The following PRKCE variants were observed in gnomAD, a reference collection of about 807,000 sequenced individuals.
PRKCE encodes the protein protein kinase C epsilon type.
In PRKCE, 16 loss-of-function variants were observed where a neutral mutation model predicts 85.4. The observed-to-expected ratio is 0.19, with a 90% confidence interval of 0.13 to 0.28. PRKCE has a LOEUF of 0.28. Among genes scored for constraint, PRKCE ranks in the 10% least tolerant of loss-of-function variants. The probability of loss-of-function intolerance (pLI) is 1.00; values close to 1 mark genes in which losing one functional copy is unlikely to be tolerated. For missense variants in PRKCE, 573 were observed against 975.2 expected, an observed-to-expected ratio of 0.59 and a Z score of 5.49; for synonymous variants, 388 against 371.5, an observed-to-expected ratio of 1.04 and a Z score of -0.51.
intron 1 of PRKCE, among the ~76,000 whole-genome samples, chr2:45,694,238 G>A (rs768379874): frequency 6.6e-6 from 1 of 151,114 alleles, no homozygotes; most frequent in Non-Finnish European, 1.5e-5. Context: ...GTCTCATCTA[G>A]GAAACGACAG....
intron 2 of PRKCE, among the ~76,000 whole-genome samples, chr2:45,911,376 C>T (rs1697371498): frequency 6.6e-6 from 1 of 152,172 alleles, no homozygotes; most frequent in South Asian, 2.1e-4. Flanking sequence ...GAGTGTTTCA[C>T]CTGCTCAGAA....
At chr2:46,035,728 AGT>A (rs1490818798) in intron 10 of PRKCE, among the ~76,000 whole-genome samples, 1 of 152,268 alleles carries the variant, frequency 6.6e-6, no homozygotes, top group Non-Finnish European at 1.5e-5. Flanking sequence ...ATATATAGTA[AGT>A]GTATATACAT....
rs58840925 is a variant in PRKCE, at chr2:46,007,324, G to A, written c.1064-138G>A. On this transcript the variant is annotated intron_variant, in intron 8 of 14. Transcript: ENST00000306156. ...GTGAACAGATGAAGGAACATACAAA[G>A]GGATGTCACACTGGATCTGTTGTGA... 1.3e-3 allele frequency: 999 copies of A among 788,962 alleles called. 7 individuals carry two copies. The African/African-American group carries it at 0.015, about 12-fold the overall frequency. 48.9% of individuals were successfully genotyped at this position (788,962 alleles called of 1,614,324 possible). A position where few individuals can be genotyped will look rare whatever the true frequency, so the allele number is the denominator to read the frequency against.
intron 1 of PRKCE, among the ~76,000 whole-genome samples, chr2:45,829,897 C>A (rs1258989637): frequency 2.0e-5 from 3 of 151,578 alleles, no homozygotes; most frequent in Non-Finnish European, 4.4e-5. Flanking sequence ...CACGGTGAAA[C>A]CCCGTCTCTA....
At chr2:46,085,736 GT>G (rs1170933914) in intron 10 of PRKCE, among the ~76,000 whole-genome samples, 19,226 of 103,884 alleles carry the variant, frequency 0.19, 3,473 homozygotes, top group African/African-American at 0.43. Flanking sequence ...TGCAAAATCC[GT>G]TTTTTTTTTT....
chr2:45,694,527 T>A (rs916973588), intron 1 of PRKCE, among the ~76,000 whole-genome samples: 1 of 152,206 alleles, frequency 6.6e-6, no homozygotes, highest in African/African-American at 2.4e-5. Context: ...GGAACTTATG[T>A]GGGACTAACA....
intron 1 of PRKCE, among the ~76,000 whole-genome samples, chr2:45,667,606 A>G (rs1017852990): frequency 6.6e-6 from 1 of 152,184 alleles, no homozygotes; most frequent in African/African-American, 2.4e-5. Context: ...TGAACTTTAA[A>G]AAAGGAAAAG....
intron 4 of PRKCE, among the ~76,000 whole-genome samples, chr2:45,979,335 A>G (rs928619349): frequency 6.6e-6 from 1 of 152,068 alleles, no homozygotes; most frequent in Admixed American, 6.5e-5. Flanking sequence ...TGAAAGTCCC[A>G]CTTTGTCCTG....
intron 1 of PRKCE, among the ~76,000 whole-genome samples, chr2:45,831,738 C>G (rs1221519417): frequency 6.6e-6 from 1 of 152,088 alleles, no homozygotes; most frequent in African/African-American, 2.4e-5. Context: ...CCAGAGAAAC[C>G]TATATAAAAA....
intron 14 of PRKCE, among the ~76,000 whole-genome samples, chr2:46,173,050 T>G (rs1234169882): frequency 6.6e-6 from 1 of 152,258 alleles, no homozygotes; most frequent in Non-Finnish European, 1.5e-5. Context: ...ACCAGGCTCA[T>G]GGAAACCCTG....
chr2:45,975,615 T>G (rs1486537763), intron 2 of PRKCE, among the ~76,000 whole-genome samples: 1 of 152,194 alleles, frequency 6.6e-6, no homozygotes, highest in African/African-American at 2.4e-5. Context: ...TGTATTAATT[T>G]TGAGGGGGCA....
At chr2:45,864,492 AT>A (rs912421239) in intron 2 of PRKCE, among the ~76,000 whole-genome samples, 143 of 64,232 alleles carry the variant, frequency 2.2e-3, no homozygotes, top group Non-Finnish European at 3.8e-3. Flanking sequence ...TAATAGAAAT[AT>A]TTTTTTAATG....
intron 14 of PRKCE, among the ~76,000 whole-genome samples, chr2:46,181,058 C>G (rs1413975031): frequency 6.6e-6 from 1 of 152,184 alleles, no homozygotes; most frequent in Non-Finnish European, 1.5e-5. Flanking sequence ...GACTGAGGAT[C>G]AGGATAAACA....
At chr2:45,706,774 A>G (rs1470878918) in intron 1 of PRKCE, among the ~76,000 whole-genome samples, 2 of 152,238 alleles carry the variant, frequency 1.3e-5, no homozygotes, top group Admixed American at 6.5e-5. Context: ...AGAATACTGC[A>G]TGTGACTCAT....
intron 8 of PRKCE, among the ~76,000 whole-genome samples, chr2:46,005,184 C>G (rs1328010824): frequency 6.6e-6 from 1 of 152,164 alleles, no homozygotes; most frequent in East Asian, 1.9e-4. Context: ...GAGGCCAGTC[C>G]TAGGCCTGTT....
At chr2:45,874,005 T>G (rs879256994) in intron 2 of PRKCE, among the ~76,000 whole-genome samples, 4 of 152,334 alleles carry the variant, frequency 2.6e-5, no homozygotes, top group Admixed American at 1.3e-4. Flanking sequence ...TTTTTGAACA[T>G]TTTCTCTGTA....
At chr2:46,098,098 G>A (rs1320670314) in intron 11 of PRKCE, among the ~76,000 whole-genome samples, 1 of 152,178 alleles carries the variant, frequency 6.6e-6, no homozygotes, top group African/African-American at 2.4e-5. Context: ...AGCTAGTAAT[G>A]TGTGTTCAGA....
chr2:45,717,183 A>C (rs1680202211), intron 1 of PRKCE, among the ~76,000 whole-genome samples: 1 of 152,190 alleles, frequency 6.6e-6, no homozygotes, highest in Non-Finnish European at 1.5e-5. Flanking sequence ...GGCCCAGATG[A>C]GGATGATAGA....
intron 2 of PRKCE, among the ~76,000 whole-genome samples, chr2:45,920,726 G>A (rs897073025): frequency 6.6e-6 from 1 of 152,168 alleles, no homozygotes; most frequent in Non-Finnish European, 1.5e-5. Context: ...ACAGGGCTGG[G>A]GGTGGGGAAT....
Sources: allele counts gnomAD v4.1 joint callset (sites outside exome capture counted in the v4.1 genomes callset), GRCh38; gene constraint gnomAD v4.1.1; transcripts MANE v1.5; gene names NCBI Gene and HGNC (gene_info 2026-07-23, HGNC 2026-07-21).